Variants in REG4 observed in about 807,000 individuals in gnomAD.
The protein encoded by REG4 is regenerating islet-derived protein 4.
Under a neutral mutation model 22.3 loss-of-function variants are expected in REG4, and 16 were observed. The ratio of observed to expected loss-of-function variants is 0.72; its 90% confidence interval spans 0.49 to 1.09. The LOEUF is 1.09. Among genes scored for constraint, REG4 ranks in the 50% least tolerant of loss-of-function variants. REG4 has a pLI of 0.00. For synonymous variants in REG4, 71 were observed against 69.2 expected, an observed-to-expected ratio of 1.03 and a Z score of -0.13; for missense variants, 214 against 193.9, an observed-to-expected ratio of 1.10 and a Z score of -0.61.
intron 2 of REG4, 96 bp from the exon 3 acceptor site, chr1:119,803,261 G>C (rs892338752): frequency 7.8e-5 from 101 of 1,291,350 alleles, no homozygotes; most frequent in Non-Finnish European, 9.7e-5. Flanking sequence ...CTTGAATGAA[G>C]AGAGTCCCTT....
chr1:119,804,342 G>A (rs114513491), intron 2 of REG4, among the ~76,000 whole-genome samples: 1,615 of 152,256 alleles, frequency 0.011, 33 homozygotes, highest in African/African-American at 0.036. Context: ...CTCTCTGCTC[G>A]TCTAGCATGT....
Position 119,794,080 on chromosome 1 carries a change from C to A in REG4, c.*538G>T. ...TCACCATTACTGAACTGGAACACAG[C>A]AACCTCTTATGTACACAATGGTTTA... On this transcript the variant is annotated 3_prime_UTR_variant, in exon 6 of 6. Coordinates refer to ENST00000256585, the MANE Select transcript of REG4 (RefSeq NM_032044.4). 1 of 529,958 alleles carries A rather than the reference C, an allele frequency of 1.9e-6. No individual in the cohort carries two copies. Among genetic ancestry groups the A allele is most frequent in the Non-Finnish European group, 3.9e-6 (1 of 257,826 alleles). 32.8% of individuals were successfully genotyped at this position (529,958 alleles called of 1,614,324 possible). A position where few individuals can be genotyped will look rare whatever the true frequency, so the allele number is the denominator to read the frequency against.
At chr1:119,802,187 A>T (rs1010838458) in intron 3 of REG4, 1 of 270,828 alleles carries the variant, frequency 3.7e-6, no homozygotes. Flanking sequence ...CTCAGCTCAG[A>T]CTTTGCTGGG....
At chr1:119,802,963 A>T (rs372214199) in intron 3 of REG4, 105 bp downstream of exon 3, 4 of 1,574,814 alleles carry the variant, frequency 2.5e-6, no homozygotes, top group East Asian at 4.5e-5. Flanking sequence ...GCTTCTCTTC[A>T]TAGTGCCCAG....
intron 1 of REG4, chr1:119,809,303 G>A (rs1654427424): frequency 6.6e-6 from 1 of 152,278 alleles, no homozygotes; most frequent in South Asian, 2.1e-4. Flanking sequence ...TTACAGATGA[G>A]AAAACCTGAG....
chr1:119,801,010 T>C (rs1199414458), intron 3 of REG4, among the ~76,000 whole-genome samples: 1 of 152,234 alleles, frequency 6.6e-6, no homozygotes, highest in South Asian at 2.1e-4. Context: ...AAGTGCTGTC[T>C]TCTTTCATAT....
At chr1:119,810,862 G>C (rs1654473387) in intron 1 of REG4, among the ~76,000 whole-genome samples, 1 of 152,086 alleles carries the variant, frequency 6.6e-6, no homozygotes, top group African/African-American at 2.4e-5. Flanking sequence ...AGACCAGCCT[G>C]GCCAACATGG....
chr1:119,810,918 G>T (rs1654474807), intron 1 of REG4, among the ~76,000 whole-genome samples: 1 of 152,148 alleles, frequency 6.6e-6, no homozygotes, highest in Non-Finnish European at 1.5e-5. Flanking sequence ...GCTGGGCGTG[G>T]TGGCAAGTGC....
chr1:119,794,293 A>T lies in REG4; in HGVS notation c.*325T>A, dbSNP rs1017178766. ...CTGAGTTTCTTCCTTCTGTCTTCAAATCTTTACTTCTTATGGCCAAAGACC... is the reference window on the plus strand; with the variant it reads ...CTGAGTTTCTTCCTTCTGTCTTCAATTCTTTACTTCTTATGGCCAAAGACC... On this transcript the variant is annotated 3_prime_UTR_variant, in exon 6 of 6. Transcript: ENST00000256585. The T allele has an allele frequency of 8.6e-6, 5 of 579,396 alleles. No individual in the cohort carries two copies. The East Asian group carries it at 2.2e-4, about 25-fold the overall frequency. The allele number at this position is 579,396 out of a possible 1,614,324, so 35.9% of individuals were successfully genotyped here. A position where few individuals can be genotyped will look rare whatever the true frequency, so the allele number is the denominator to read the frequency against.
At position 119,794,577 on chromosome 1, in the gene REG4, G is replaced by C; in HGVS notation, c.*41C>G. On this transcript the variant is annotated 3_prime_UTR_variant, in exon 6 of 6. Coordinates refer to ENST00000256585, the MANE Select transcript of REG4 (RefSeq NM_032044.4). ...TAGCCAGGCTAGCAGAAAGGAAGAGGACGGGGCTGTGCAGGAGTTAGCAGA... is the reference window on the plus strand; with the variant it reads ...TAGCCAGGCTAGCAGAAAGGAAGAGCACGGGGCTGTGCAGGAGTTAGCAGA... 1 of 1,551,022 alleles carries C rather than the reference G, an allele frequency of 6.4e-7. No individual in the cohort carries two copies. The highest frequency in any genetic ancestry group is 8.9e-7 in the Non-Finnish European group (1 of 1,122,634).
intron 3 of REG4, 149 bp from the exon 4 acceptor site, chr1:119,800,011 C>A: frequency 9.8e-7 from 1 of 1,015,394 alleles, no homozygotes. Context: ...AGGCTTCCTG[C>A]CACCCTGGGA....
intron 4 of REG4, among the ~76,000 whole-genome samples, chr1:119,799,168 T>C (rs1181146607): frequency 6.6e-6 from 1 of 152,060 alleles, no homozygotes; most frequent in Admixed American, 6.6e-5. Flanking sequence ...CCACCAAGAA[T>C]CTGTGAACTG....
intron 5 of REG4, among the ~76,000 whole-genome samples, chr1:119,796,107 C>G (rs1422184835): frequency 6.6e-6 from 1 of 152,146 alleles, no homozygotes; most frequent in African/African-American, 2.4e-5. Flanking sequence ...ATAAGCATGC[C>G]ACATGTATTC....
intron 4 of REG4, 120 bp downstream of exon 4, chr1:119,799,605 G>T: frequency 7.7e-7 from 1 of 1,305,808 alleles, no homozygotes; most frequent in Non-Finnish European, 1.1e-6. Flanking sequence ...GTCAGCTGGA[G>T]GCACATCTGG....
At chr1:119,806,175 C>G (rs1167401395) in intron 2 of REG4, among the ~76,000 whole-genome samples, 3 of 152,232 alleles carry the variant, frequency 2.0e-5, no homozygotes, top group Non-Finnish European at 4.4e-5. Context: ...CTTCTGGGCT[C>G]AAGTGATCTA....
At chr1:119,806,103 T>C (rs1168857818) in intron 2 of REG4, among the ~76,000 whole-genome samples, 1 of 152,112 alleles carries the variant, frequency 6.6e-6, no homozygotes, top group Non-Finnish European at 1.5e-5. Flanking sequence ...GGCTAGTTTT[T>C]TGTACTTTTT....
In REG4 at chr1:119,803,995, A is replaced by C. The variant is rs148198157; in HGVS notation, c.68-830T>G. Among the ~76,000 whole-genome samples the C allele has an allele frequency of 1.2e-3, 185 of 152,332 alleles. No homozygotes were observed. The Middle Eastern group carries it at 0.014, about 11-fold the overall frequency. On this transcript the variant is annotated intron_variant, in intron 2 of 5. Transcript: ENST00000256585. The stretch of plus-strand genomic sequence containing the variant: ...AGGAATCCATGATTCAGGGAGGCAC[A>C]TGCTTTTCCTGCTAGTCCATTGGTG...
intron 5 of REG4, 86 bp downstream of exon 5, chr1:119,798,411 T>TC (rs1264760700): frequency 4.0e-6 from 4 of 1,002,150 alleles, no homozygotes; most frequent in Non-Finnish European, 6.3e-6. Flanking sequence ...AGGGCAGTGG[T>TC]CCCCTGTGCC....
chr1:119,795,614 G>A (rs1653914068), intron 5 of REG4, among the ~76,000 whole-genome samples: 1 of 152,208 alleles, frequency 6.6e-6, no homozygotes, highest in Non-Finnish European at 1.5e-5. Context: ...GTCTGCTTGG[G>A]CCCTGACCTG....
Sources: gnomAD v4.1 joint callset for allele counts (sites outside exome capture counted in the v4.1 genomes callset) on GRCh38, gnomAD v4.1.1 for gene constraint, MANE v1.5 for transcripts, NCBI Gene and HGNC (gene_info 2026-07-23, HGNC 2026-07-21) for gene names.